The following KIAA0319 variants were observed in gnomAD, a reference collection of about 807,000 sequenced individuals.
The protein encoded by KIAA0319 is KIAA0319, also known as dyslexia-associated protein KIAA0319.
A neutral mutation model predicts 108.4 loss-of-function variants in KIAA0319; 83 were observed. The observed-to-expected ratio is 0.77, with a 90% CI of 0.64 to 0.92. The LOEUF (loss-of-function observed/expected upper bound fraction) is 0.92, where lower values mean the gene tolerates loss of function less well. Among genes scored for constraint, KIAA0319 ranks in the 40% least tolerant of loss-of-function variants. KIAA0319 has a pLI of 0.00. For missense variants in KIAA0319, 1,195 were observed against 1,322.4 expected, an observed-to-expected ratio of 0.90 and a Z score of 1.49; for synonymous variants, 484 against 510.4, an observed-to-expected ratio of 0.95 and a Z score of 0.70.
intron 1 of KIAA0319, among the ~76,000 whole-genome samples, chr6:24,640,992 C>T (rs1305341378): frequency 6.6e-6 from 1 of 152,118 alleles, no homozygotes; most frequent in Admixed American, 6.5e-5. Context: ...TAGCAGCAAC[C>T]ATCATCACTA....
intron 3 of KIAA0319, among the ~76,000 whole-genome samples, chr6:24,590,149 G>C (rs1768239718): frequency 6.6e-6 from 1 of 152,110 alleles, no homozygotes; most frequent in Non-Finnish European, 1.5e-5. Context: ...TTCTACAGTT[G>C]AGAAAAGTCC....
At chr6:24,596,970 TCCAC>T (rs1021498274) in intron 2 of KIAA0319, among the ~76,000 whole-genome samples, 6 of 151,778 alleles carry the variant, frequency 4.0e-5, no homozygotes, top group Non-Finnish European at 5.9e-5. Context: ...CATCCATCCA[TCCAC>T]CCTCCCATCC....
intron 9 of KIAA0319, 29 bp downstream of exon 9, chr6:24,578,081 C>T: frequency 2.5e-6 from 4 of 1,581,818 alleles, no homozygotes; most frequent in African/African-American, 2.7e-5. Context: ...AAGTAGCAGG[C>T]AGCACAATAA....
chr6:24,626,152 G>A (rs1047882266), intron 1 of KIAA0319, among the ~76,000 whole-genome samples: 1 of 152,194 alleles, frequency 6.6e-6, no homozygotes, highest in African/African-American at 2.4e-5. Flanking sequence ...CAAATCCATA[G>A]AGATAGAATG....
In KIAA0319 at chr6:24,599,570, G is replaced by T; in HGVS notation, c.55+1479C>A. ...AGGAGAGCTGGCTGGAGTCTGGGAT[G>T]CAGAACATGAATATCCATACAAAGA... On this transcript the variant is annotated intron_variant, in intron 2 of 20. Transcript: ENST00000378214. This position sits in a 1 kb window ranked among gnomAD's most constrained non-coding sequence, Gnocchi z 4.1. 1 of 600,318 alleles carries T rather than the reference G, an allele frequency of 1.7e-6. No homozygotes were observed. Among genetic ancestry groups the T allele is most frequent in the Non-Finnish European group, 3.2e-6 (1 of 315,786 alleles). The allele number at this position is 600,318 out of a possible 1,614,324, so 37.2% of individuals were successfully genotyped here.
At chr6:24,585,318 C>T (rs1341079458) in intron 4 of KIAA0319, among the ~76,000 whole-genome samples, 2 of 150,980 alleles carry the variant, frequency 1.3e-5, no homozygotes, top group Non-Finnish European at 3.0e-5. Context: ...TATTCCTAAA[C>T]GAGATACCTA....
chr6:24,600,185 G>T (rs937030143), intron 2 of KIAA0319, among the ~76,000 whole-genome samples: 1 of 152,112 alleles, frequency 6.6e-6, no homozygotes, highest in Admixed American at 6.5e-5. Flanking sequence ...AAAAATATGG[G>T]TCTCTAAACA....
Position 24,617,184 on chromosome 6 carries a change from A to C in KIAA0319, c.-105-15976T>G, listed in dbSNP as rs184695936. Among the ~76,000 whole-genome samples, 458 of 152,214 alleles carry C rather than the reference A, an allele frequency of 3.0e-3. 2 individuals are homozygous for C. Among genetic ancestry groups the C allele is most frequent in the Non-Finnish European group, 5.2e-3 (355 of 68,002 alleles). The stretch of plus-strand genomic sequence containing the variant: ...AGTCATAATAACTAAAAAAATACTA[A>C]TAATAATAAAATGGAACCTCAAATG... On this transcript the variant is annotated intron_variant, in intron 1 of 20. Transcript: ENST00000378214.
At chr6:24,614,285 CTTCT>C (rs1203903021) in intron 1 of KIAA0319, among the ~76,000 whole-genome samples, 1 of 152,084 alleles carries the variant, frequency 6.6e-6, no homozygotes, top group Non-Finnish European at 1.5e-5. Flanking sequence ...GCCTCCCGGT[CTTCT>C]TTCTATCACC....
Position 24,566,732 on chromosome 6 carries a change from G to A in KIAA0319, c.2157C>T (p.Pro719=). 6.2e-7 allele frequency: 1 copy of A among 1,608,548 alleles called. No individual in the cohort carries two copies. The highest frequency in any genetic ancestry group is 8.5e-7 in the Non-Finnish European group (1 of 1,178,236). The change falls in exon 14 of 21, where the codon CCC becomes CCT. Residue 719 remains proline (P), a synonymous_variant. Transcript: ENST00000378214. The part of the protein sequence containing the change: ...VAVKKENNSP[P]RARAGGRHVL... ...CATGTCTGCCACCAGCCCGGGCTCT[G>A]GGAGGACTATTATTTTCTAAGTCAA...
At chr6:24,541,360 A>T (rs1486711129), downstream of KIAA0319, among the ~76,000 whole-genome samples, 1 of 152,230 alleles carries the variant, frequency 6.6e-6, no homozygotes, top group Non-Finnish European at 1.5e-5. Context: ...TAAGAAAACC[A>T]GTCGATTGGA....
chr6:24,548,507 T>C (rs1032158785), intron 20 of KIAA0319, among the ~76,000 whole-genome samples: 2 of 152,190 alleles, frequency 1.3e-5, no homozygotes, highest in Non-Finnish European at 1.5e-5. Context: ...GGGCAGGGCC[T>C]TCACTGGGGA....
In KIAA0319 at chr6:24,618,947, G is replaced by A. The variant is rs552203219; in HGVS notation, c.-105-17739C>T. ...AAGAGAGAATTTTTGAACTTAGAAG[G>A]TCACATTTGAGCAAAGACTTAGGAG... On this transcript the variant is annotated intron_variant, in intron 1 of 20. Transcript: ENST00000378214. 3.9e-5 allele frequency among the ~76,000 whole-genome samples: 6 copies of A among 152,302 alleles called. No homozygotes were observed. The South Asian group carries it at 1.2e-3, about 32-fold the overall frequency.
intron 1 of KIAA0319, among the ~76,000 whole-genome samples, chr6:24,601,880 CA>C (rs970922209): frequency 6.6e-6 from 1 of 152,170 alleles, no homozygotes; most frequent in Non-Finnish European, 1.5e-5. Flanking sequence ...TTATTGTAGA[CA>C]AGGGACTGGT....
intron 1 of KIAA0319, among the ~76,000 whole-genome samples, chr6:24,602,175 C>T (rs530465806): frequency 2.0e-5 from 3 of 152,272 alleles, no homozygotes; most frequent in Non-Finnish European, 2.9e-5. Context: ...CACTACCACA[C>T]CCGGCTAATT....
chr6:24,643,843 C>T (rs898454456), intron 1 of KIAA0319, among the ~76,000 whole-genome samples: 2 of 152,156 alleles, frequency 1.3e-5, no homozygotes, highest in Non-Finnish European at 1.5e-5. Context: ...AAGTAGGTCC[C>T]ATTGTTATCT....
intron 3 of KIAA0319, among the ~76,000 whole-genome samples, chr6:24,591,236 C>T (rs969499289): frequency 1.3e-5 from 2 of 152,100 alleles, no homozygotes; most frequent in African/African-American, 2.4e-5. Context: ...TGTGTAAATA[C>T]CCAGAAGTGG....
chr6:24,584,680 T>C (rs1767177157), intron 4 of KIAA0319, among the ~76,000 whole-genome samples: 1 of 152,208 alleles, frequency 6.6e-6, no homozygotes. Flanking sequence ...TATCATGTTA[T>C]AGGTGGGGAA....
intron 1 of KIAA0319, among the ~76,000 whole-genome samples, chr6:24,604,437 G>T (rs1050510996): frequency 1.3e-5 from 2 of 152,168 alleles, no homozygotes; most frequent in Non-Finnish European, 2.9e-5. Flanking sequence ...TACAGATTGG[G>T]CCTCCACCAT....
Sources: gnomAD v4.1 joint callset for allele counts (sites outside exome capture counted in the v4.1 genomes callset) on GRCh38, gnomAD v4.1.1 for gene constraint, Gnocchi (gnomAD v3.1) non-coding constraint, MANE v1.5 for transcripts, NCBI Gene and HGNC (gene_info 2026-07-23, HGNC 2026-07-21) for gene names.